ZNF516: variants seen among roughly 807,000 people sequenced by gnomAD.
ZNF516 encodes the protein zinc finger protein 516.
In ZNF516, 19 loss-of-function variants were observed where a neutral mutation model predicts 79.7. The ratio of observed to expected loss-of-function variants is 0.24; its 90% CI spans 0.17 to 0.35. The LOEUF (loss-of-function observed/expected upper bound fraction) is 0.35. Among genes scored for constraint, ZNF516 ranks in the 10% least tolerant of loss-of-function variants. ZNF516 has a pLI of 1.00. For synonymous variants in ZNF516, 877 were observed against 739.5 expected, an observed-to-expected ratio of 1.19 and a Z score of -3.02; for missense variants, 1,678 against 1,679.5, an observed-to-expected ratio of 1.00 and a Z score of 0.02.
At chr18:76,381,794 G>A (rs1433308180) in intron 3 of ZNF516, among the ~76,000 whole-genome samples, 1 of 152,162 alleles carries the variant, frequency 6.6e-6, no homozygotes, top group African/African-American at 2.4e-5. Flanking sequence ...GACAAAGGAA[G>A]AAAAAACTAT....
rs373409828 is a variant in ZNF516 at position 76,466,845 on chromosome 18, C to T, written c.-271-3704G>A. On this transcript the variant is annotated intron_variant, in intron 1 of 6. Transcript: ENST00000443185. The stretch of plus-strand genomic sequence containing the variant: ...AGACAGGATGACACAGAAGTCCCTC[C>T]ACCAGGGTATCACCAGGACCTGGAG... Among the ~76,000 whole-genome samples, 15 of 152,354 alleles carry T rather than the reference C, an allele frequency of 9.8e-5. No homozygotes were observed. The South Asian group carries it at 3.1e-3, about 32-fold the overall frequency.
rs565614374 is a variant in ZNF516 at position 76,402,588 on chromosome 18, C to T, written c.1811-22285G>A. ...AGACGTTGCTTCTCCAAGAACACAACTTACACTCGGGCACTCACGGACAGT... is the reference window on the plus strand; with the variant it reads ...AGACGTTGCTTCTCCAAGAACACAATTTACACTCGGGCACTCACGGACAGT... On this transcript the variant is annotated intron_variant, in intron 3 of 6. Transcript: ENST00000443185. Among the ~76,000 whole-genome samples, 3 of 152,336 alleles carry T rather than the reference C, an allele frequency of 2.0e-5. No individual in the cohort carries two copies. The East Asian group carries it at 5.8e-4, about 29-fold the overall frequency.
At chr18:76,396,830 T>G (rs1427531498) in intron 3 of ZNF516, among the ~76,000 whole-genome samples, 1 of 152,190 alleles carries the variant, frequency 6.6e-6, no homozygotes, top group Non-Finnish European at 1.5e-5. Context: ...TGTCAGACGA[T>G]GTTTTTGGAT....
chr18:76,441,168 G>C (rs749417490), intron 3 of ZNF516, 77 bp downstream of exon 3: 87 of 1,511,706 alleles, frequency 5.8e-5, no homozygotes, highest in Non-Finnish European at 7.3e-5. Context: ...GCCTACTTGA[G>C]TATACGTTTA....
chr18:76,371,530 T>G lies in ZNF516; in HGVS notation c.3301A>C (p.Ile1101Leu). 6.2e-7 allele frequency: 1 copy of G among 1,611,042 alleles called. No individual in the cohort carries two copies. The highest frequency in any genetic ancestry group is 8.5e-7 in the Non-Finnish European group (1 of 1,179,806). Reference protein sequence around the residue: ...TQARPGEFVCIECGKSFHQPG... With the variant: ...TQARPGEFVCLECGKSFHQPG... Reference sequence around the variant, plus strand: ...TGGTGGAAGCTCTTTCCGCACTCGATGCAGACGAACTCTCCTGGCCGGGCC... The same window carrying G: ...TGGTGGAAGCTCTTTCCGCACTCGAGGCAGACGAACTCTCCTGGCCGGGCC... Residue 1101 changes from isoleucine (I) to leucine (L), a missense_variant, in exon 5 of 7, where the codon ATC becomes CTC. Around this residue, in one of 5 missense-constraint regions of ZNF516, gnomAD observed 1,294 missense variants for 1,248.3 expected, o/e 1.04. Coordinates refer to ENST00000443185, the MANE Select transcript of ZNF516 (RefSeq NM_014643.4).
chr18:76,487,516 G>A (rs1197495690), intron 1 of ZNF516, among the ~76,000 whole-genome samples: 2 of 152,114 alleles, frequency 1.3e-5, no homozygotes, highest in African/African-American at 4.8e-5. Context: ...TAAAGAACAG[G>A]AGACATTCTA....
At chr18:76,446,143 C>T (rs1366057631) in intron 2 of ZNF516, among the ~76,000 whole-genome samples, 1 of 152,046 alleles carries the variant, frequency 6.6e-6, no homozygotes, top group African/African-American at 2.4e-5. Flanking sequence ...CAACTCGTCC[C>T]CTCCTCTGTC....
intron 1 of ZNF516, among the ~76,000 whole-genome samples, chr18:76,475,403 G>A (rs964416571): frequency 4.6e-5 from 7 of 152,208 alleles, no homozygotes; most frequent in Admixed American, 3.3e-4. Context: ...TGCAGGGAAC[G>A]TAAAATGGTA....
intron 1 of ZNF516, chr18:76,490,129 G>C (rs1915077998): frequency 1.0e-6 from 1 of 983,368 alleles, no homozygotes; most frequent in Non-Finnish European, 1.2e-6. Flanking sequence ...CAAAATATTT[G>C]TGAGTCTTAC....
At chr18:76,367,802 G>T (rs1476390155) in intron 6 of ZNF516, among the ~76,000 whole-genome samples, 2 of 152,212 alleles carry the variant, frequency 1.3e-5, no homozygotes, top group African/African-American at 4.8e-5. Context: ...CACGCAGTGG[G>T]TGGTCAATAA....
intron 2 of ZNF516, among the ~76,000 whole-genome samples, chr18:76,456,139 G>A (rs1912708914): frequency 6.6e-6 from 1 of 152,186 alleles, no homozygotes. Context: ...CTCTTCTCAG[G>A]AGCCCTGGCG....
chr18:76,493,269 C>A lies in ZNF516; in HGVS notation c.-272+1875G>T. 1.2e-6 allele frequency: 1 copy of A among 825,086 alleles called. No homozygotes were observed. The highest frequency in any genetic ancestry group is 1.4e-6 in the Non-Finnish European group (1 of 697,660). The allele number at this position is 825,086 out of a possible 1,614,324, so 51.1% of individuals were successfully genotyped here. A position where few individuals can be genotyped will look rare whatever the true frequency, so the allele number is the denominator to read the frequency against. On this transcript the variant is annotated intron_variant, in intron 1 of 6. Transcript: ENST00000443185. The surrounding 1 kb of genome is among the most constrained non-coding windows in gnomAD (Gnocchi z 5.2). ...CACAAAGGATGGAAAGGGAAATTCA[C>A]GAAGGGAGTGGAGGCGGAAAGGGAG...
At chr18:76,418,090 AAC>A (rs1301275048) in intron 3 of ZNF516, among the ~76,000 whole-genome samples, 2 of 152,224 alleles carry the variant, frequency 1.3e-5, no homozygotes, top group Non-Finnish European at 2.9e-5. Context: ...ATTCACTGTC[AAC>A]ACACACTGTA....
intron 1 of ZNF516, among the ~76,000 whole-genome samples, chr18:76,494,650 C>T (rs1472377763): frequency 1.3e-5 from 2 of 152,242 alleles, no homozygotes; most frequent in East Asian, 3.9e-4. Flanking sequence ...ATCCGCCAAA[C>T]CCTTAATAAT....
intron 1 of ZNF516, among the ~76,000 whole-genome samples, chr18:76,465,210 C>T (rs1389808248): frequency 6.6e-6 from 1 of 152,196 alleles, no homozygotes; most frequent in Non-Finnish European, 1.5e-5. Flanking sequence ...TTCCCCTCTT[C>T]GACAGGCCAC....
chr18:76,468,328 G>A (rs1020823796), intron 1 of ZNF516, among the ~76,000 whole-genome samples: 4 of 152,036 alleles, frequency 2.6e-5, no homozygotes, highest in Admixed American at 6.6e-5. Flanking sequence ...TCCAACCCGC[G>A]GCAGCCCAAC....
intron 3 of ZNF516, among the ~76,000 whole-genome samples, chr18:76,422,109 A>C (rs577795516): frequency 6.6e-6 from 1 of 152,356 alleles, no homozygotes; most frequent in South Asian, 2.1e-4. Context: ...CTATGCTAGT[A>C]TCACCCAATT....
At chr18:76,468,140 A>G (rs1731070185) in intron 1 of ZNF516, among the ~76,000 whole-genome samples, 1 of 152,210 alleles carries the variant, frequency 6.6e-6, no homozygotes, top group Admixed American at 6.5e-5. Flanking sequence ...GTTCAGAAAT[A>G]GAGAACTTCT....
rs770597947 is a variant in ZNF516 at position 76,379,395 on chromosome 18, T to C, written c.2719A>G (p.Lys907Glu). ...TTGGAGCTAGCCTCCTGCCTGGGCTTGGCCAGGGGCCCCTGTGTGGCCGCG... is the reference window on the plus strand; with the variant it reads ...TTGGAGCTAGCCTCCTGCCTGGGCTCGGCCAGGGGCCCCTGTGTGGCCGCG... ...HGAATQGPLA[K>E]PRQEASSKPV... The change falls in exon 4 of 7, where the codon AAG becomes GAG. Residue 907 changes from lysine (K) to glutamate (E), a missense_variant. Coordinates refer to ENST00000443185, the MANE Select transcript of ZNF516 (RefSeq NM_014643.4). The C allele has an allele frequency of 6.2e-7, 1 of 1,603,082 alleles. No homozygotes were observed.
Sources: allele counts gnomAD v4.1 joint callset (sites outside exome capture counted in the v4.1 genomes callset), GRCh38; gene constraint gnomAD v4.1.1; regional missense constraint gnomAD v4.1.1; non-coding constraint Gnocchi (gnomAD v3.1); transcripts MANE v1.5; gene names NCBI Gene and HGNC (gene_info 2026-07-23, HGNC 2026-07-21).